Variants in RBFOX1 observed in about 807,000 individuals in gnomAD.
The protein encoded by RBFOX1 is RNA binding protein fox-1 homolog 1.
RBFOX1 carries 8 observed loss-of-function variants against 57.7 expected under a neutral mutation model. That is an observed-to-expected ratio of 0.14 (90% CI 0.08 to 0.25). RBFOX1 has a LOEUF of 0.25. RBFOX1 is among the 10% of genes least tolerant of loss of function. The pLI is 1.00. For synonymous variants in RBFOX1, 326 were observed against 222.4 expected, an observed-to-expected ratio of 1.47 and a Z score of -4.15; for missense variants, 611 against 548.5, an observed-to-expected ratio of 1.11 and a Z score of -1.14.
chr16:7,142,708 C>G (rs901876860), intron 4 of RBFOX1, among the ~76,000 whole-genome samples: 1 of 152,190 alleles, frequency 6.6e-6, no homozygotes, highest in African/African-American at 2.4e-5. Flanking sequence ...GTGTCTCCCT[C>G]TCTAAGGTCA....
chr16:6,409,989 A>G (rs1443016817), intron 2 of RBFOX1, among the ~76,000 whole-genome samples: 6 of 151,992 alleles, frequency 3.9e-5, no homozygotes, highest in Non-Finnish European at 8.8e-5. Flanking sequence ...TGCTTGCTTT[A>G]CCTGTCTTGC....
intron 2 of RBFOX1, among the ~76,000 whole-genome samples, chr16:6,633,271 C>A (rs1416610898): frequency 6.6e-6 from 1 of 151,886 alleles, no homozygotes; most frequent in South Asian, 2.1e-4. Context: ...GTTCTTGAGT[C>A]TTTATTTTTA....
intron 1 of RBFOX1, among the ~76,000 whole-genome samples, chr16:6,088,915 T>C (rs1200911198): frequency 6.6e-6 from 1 of 151,806 alleles, no homozygotes; most frequent in Non-Finnish European, 1.5e-5. Flanking sequence ...GCTAACACAG[T>C]GAAATCCCAT....
At chr16:6,632,864 T>C (rs1194330193) in intron 2 of RBFOX1, among the ~76,000 whole-genome samples, 1 of 152,192 alleles carries the variant, frequency 6.6e-6, no homozygotes, top group Non-Finnish European at 1.5e-5. Flanking sequence ...GTTAACCTTA[T>C]ACAAGGGGAT....
intron 2 of RBFOX1, among the ~76,000 whole-genome samples, chr16:6,535,513 C>G (rs1396880384): frequency 6.6e-6 from 1 of 152,230 alleles, no homozygotes; most frequent in Non-Finnish European, 1.5e-5. Context: ...CCTATAAACT[C>G]CATGTGGTTT....
At chr16:6,032,598 A>C (rs2095306420) in intron 1 of RBFOX1, among the ~76,000 whole-genome samples, 1 of 152,218 alleles carries the variant, frequency 6.6e-6, no homozygotes, top group Non-Finnish European at 1.5e-5. Flanking sequence ...CAGTGTCTGG[A>C]ACAAATGCTT....
intron 3 of RBFOX1, among the ~76,000 whole-genome samples, chr16:6,938,786 G>A (rs137934504): frequency 5.1e-4 from 77 of 152,236 alleles, no homozygotes; most frequent in African/African-American, 1.8e-3. Flanking sequence ...CCAAAAATTA[G>A]CTGGGTGTGG....
At chr16:5,459,427 T>G (rs2068724615) in intron 1 of RBFOX1, among the ~76,000 whole-genome samples, 1 of 152,138 alleles carries the variant, frequency 6.6e-6, no homozygotes, top group Admixed American at 6.5e-5. Flanking sequence ...CTAAACCACC[T>G]GGAAAGGCTC....
At chr16:6,581,532 A>C (rs977095996) in intron 2 of RBFOX1, among the ~76,000 whole-genome samples, 3 of 152,098 alleles carry the variant, frequency 2.0e-5, no homozygotes, top group African/African-American at 7.2e-5. Context: ...GGTGAAGCAA[A>C]CCGTAGGTGA....
chr16:6,009,269 C>G (rs2094945916), intron 4 of RBFOX1, among the ~76,000 whole-genome samples: 1 of 152,070 alleles, frequency 6.6e-6, no homozygotes, highest in East Asian at 1.9e-4. Flanking sequence ...ATTTTTCTAC[C>G]ACCTTAAAAC....
intron 2 of RBFOX1, among the ~76,000 whole-genome samples, chr16:5,538,291 G>C (rs1012530562): frequency 4.2e-4 from 64 of 152,144 alleles, no homozygotes; most frequent in African/African-American, 1.5e-3. Flanking sequence ...GGTTTTCTTA[G>C]CTTTTAAAAT....
At chr16:7,501,076 C>T (rs758054823) in intron 4 of RBFOX1, among the ~76,000 whole-genome samples, 2 of 152,184 alleles carry the variant, frequency 1.3e-5, no homozygotes, top group African/African-American at 2.4e-5. Context: ...AACTGTGAGT[C>T]AACCTCTTTC....
chr16:6,558,277 A>G (rs973219394), intron 2 of RBFOX1, among the ~76,000 whole-genome samples: 2 of 152,114 alleles, frequency 1.3e-5, no homozygotes, highest in Non-Finnish European at 1.5e-5. Flanking sequence ...CAGAGAAAGC[A>G]TTTTGCAAAT....
intron 3 of RBFOX1, among the ~76,000 whole-genome samples, chr16:5,636,988 T>C (rs1450962169): frequency 6.6e-6 from 1 of 152,218 alleles, no homozygotes; most frequent in Non-Finnish European, 1.5e-5. Flanking sequence ...TTTGTTCTTC[T>C]TGTGGGAGTT....
At chr16:5,466,234 C>T (rs2068949520) in intron 1 of RBFOX1, among the ~76,000 whole-genome samples, 1 of 152,170 alleles carries the variant, frequency 6.6e-6, no homozygotes, top group South Asian at 2.1e-4. Flanking sequence ...GCAGGCTGGC[C>T]CTCAGATTCA....
chr16:7,518,817 G>C (rs543596466), intron 5 of RBFOX1, among the ~76,000 whole-genome samples: 62 of 152,252 alleles, frequency 4.1e-4, no homozygotes, highest in East Asian at 2.5e-3. Flanking sequence ...GAAGACAGGA[G>C]TTCGAGAATA....
chr16:7,439,829 A>G (rs149386665), intron 4 of RBFOX1, among the ~76,000 whole-genome samples: 199 of 152,246 alleles, frequency 1.3e-3, no homozygotes, highest in African/African-American at 4.6e-3. Flanking sequence ...AAGAGGTGAC[A>G]ATGATCTAGG....
intron 4 of RBFOX1, among the ~76,000 whole-genome samples, chr16:6,000,686 T>C (rs2060582894): frequency 6.6e-6 from 1 of 151,726 alleles, no homozygotes; most frequent in African/African-American, 2.4e-5. Flanking sequence ...GGTGACTAGG[T>C]GGATGGGTGG....
intron 13 of RBFOX1, among the ~76,000 whole-genome samples, chr16:7,673,899 C>T (rs2072428216): frequency 6.6e-6 from 1 of 152,178 alleles, no homozygotes; most frequent in East Asian, 1.9e-4. Flanking sequence ...CTCGGAAGAC[C>T]AGGTTCAACA....
Sources: allele counts gnomAD v4.1 joint callset (sites outside exome capture counted in the v4.1 genomes callset), GRCh38; gene constraint gnomAD v4.1.1; transcripts MANE v1.5; gene names NCBI Gene and HGNC (gene_info 2026-07-23, HGNC 2026-07-21).